The following GALNT16 variants were observed in gnomAD, a reference collection of about 807,000 sequenced individuals.
The protein encoded by GALNT16 is polypeptide N-acetylgalactosaminyltransferase 16.
A neutral mutation model predicts 76.1 loss-of-function variants in GALNT16; 40 were observed. The observed-to-expected ratio is 0.53, with a 90% CI of 0.41 to 0.68. The LOEUF (loss-of-function observed/expected upper bound fraction) is 0.68. Among genes scored for constraint, GALNT16 ranks in the 30% least tolerant of loss-of-function variants. GALNT16 has a pLI of 0.00. For missense variants in GALNT16, 621 were observed against 731.9 expected (o/e 0.85, Z 1.75); for synonymous variants, 276 against 285.2 (o/e 0.97, Z 0.32).
downstream of GALNT16, among the ~76,000 whole-genome samples, chr14:69,361,525 C>T (rs2045723641): frequency 1.3e-5 from 2 of 152,208 alleles, no homozygotes; most frequent in Non-Finnish European, 2.9e-5. Context: ...CATGTTTGTA[C>T]TGTTATCCCC....
At chr14:69,294,572 A>G (rs2044729157) in intron 1 of GALNT16, among the ~76,000 whole-genome samples, 1 of 152,096 alleles carries the variant, frequency 6.6e-6, no homozygotes, top group South Asian at 2.1e-4. Context: ...TGTTATCCCA[A>G]AAGGATCCCG....
the GALNT16 span, among the ~76,000 whole-genome samples, chr14:69,364,163 A>G: frequency 1.3e-5 from 2 of 152,180 alleles, no homozygotes; most frequent in South Asian, 4.1e-4. The surrounding 1 kb of genome is among the most constrained non-coding windows in gnomAD (Gnocchi z 4.2). Flanking sequence ...GAGTACAATA[A>G]AACTACTGTT....
At chr14:69,289,801 C>T (rs867592706) in intron 1 of GALNT16, among the ~76,000 whole-genome samples, 6 of 152,098 alleles carry the variant, frequency 3.9e-5, no homozygotes, top group South Asian at 2.1e-4. Flanking sequence ...TGCTGTGGCG[C>T]GGTCTCACTG....
the GALNT16 span, among the ~76,000 whole-genome samples, chr14:69,366,391 G>A: frequency 4.6e-5 from 7 of 152,150 alleles, no homozygotes. Flanking sequence ...TCCCACAGCA[G>A]ATCCTCTGCG....
At chr14:69,305,493 G>C (rs1421006772) in intron 1 of GALNT16, among the ~76,000 whole-genome samples, 3 of 152,028 alleles carry the variant, frequency 2.0e-5, no homozygotes, top group Non-Finnish European at 4.4e-5. Context: ...GTTTTGATAT[G>C]CATTTCCTGA....
chr14:69,372,735 TA>T, the GALNT16 span, among the ~76,000 whole-genome samples: 475 of 152,256 alleles, frequency 3.1e-3, 4 homozygotes, highest in African/African-American at 0.011. Flanking sequence ...GGGCCTGGCT[TA>T]AGAGAAGCAA....
chr14:69,302,870 A>C (rs1237676553), intron 1 of GALNT16, among the ~76,000 whole-genome samples: 1 of 152,198 alleles, frequency 6.6e-6, no homozygotes, highest in Non-Finnish European at 1.5e-5. Context: ...GCAATATTTG[A>C]GACATACTTA....
chr14:69,351,881 AC>A, intron 14 of GALNT16, 149 bp from the exon 15 acceptor site: 2 of 695,790 alleles, frequency 2.9e-6, no homozygotes. Context: ...CACTGTAAGA[AC>A]AAGGTCATGC....
intron 1 of GALNT16, among the ~76,000 whole-genome samples, chr14:69,300,346 T>C (rs150122886): frequency 6.6e-6 from 1 of 152,166 alleles, no homozygotes; most frequent in Non-Finnish European, 1.5e-5. Flanking sequence ...ATGGAAACAC[T>C]GAGCAGCATC....
At chr14:69,300,045 C>T (rs72625672) in intron 1 of GALNT16, among the ~76,000 whole-genome samples, 10,636 of 152,248 alleles carry the variant, frequency 0.07, 652 homozygotes, top group East Asian at 0.31. Context: ...GCTTTTAGCA[C>T]GTGTGTGCAC....
intron 1 of GALNT16, among the ~76,000 whole-genome samples, chr14:69,274,116 G>A (rs1454347553): frequency 6.6e-6 from 1 of 152,196 alleles, no homozygotes; most frequent in African/African-American, 2.4e-5. Flanking sequence ...TGGAAAATGA[G>A]GATGCTAGTA....
chr14:69,379,230 G>A, the GALNT16 span, among the ~76,000 whole-genome samples: 2 of 152,130 alleles, frequency 1.3e-5, no homozygotes, highest in African/African-American at 2.4e-5. Context: ...GTGAGCCACC[G>A]CACCCGGCCT....
chr14:69,305,132 C>CTT lies in GALNT16; in HGVS notation c.178-15566_178-15565dup, dbSNP rs34469974. ...TCTCCACATCCTCACCAACACTTGT[C>CTT]TTTTTTTTTTTTTTATAATAACCAT... On this transcript the variant is annotated intron_variant, in intron 1 of 14. Transcript: ENST00000448469. 3.1e-4 allele frequency among the ~76,000 whole-genome samples: 42 copies of CTT among 134,096 alleles called. 1 individual carries two copies. Among genetic ancestry groups the CTT allele is most frequent in the South Asian group, 1.4e-3 (6 of 4,400 alleles). 88.0% of individuals were successfully genotyped at this position (134,096 alleles called of 152,430 possible). A position where few individuals can be genotyped will look rare whatever the true frequency, so the allele number is the denominator to read the frequency against.
At chr14:69,367,392 A>G in the GALNT16 span, among the ~76,000 whole-genome samples, 1 of 151,918 alleles carries the variant, frequency 6.6e-6, no homozygotes, top group Non-Finnish European at 1.5e-5. Flanking sequence ...CTTATAAAAG[A>G]CACCCTAGAG....
chr14:69,343,695 T>C (rs530456700), intron 12 of GALNT16, among the ~76,000 whole-genome samples: 1 of 152,348 alleles, frequency 6.6e-6, no homozygotes, highest in South Asian at 2.1e-4. Flanking sequence ...AGCCCACTAG[T>C]TCCAGCCCTA....
At chr14:69,351,900 G>T in intron 14 of GALNT16, 131 bp from the exon 15 acceptor site, 1 of 831,178 alleles carries the variant, frequency 1.2e-6, no homozygotes, top group Non-Finnish European at 1.9e-6. Flanking sequence ...TGCCTAAAAA[G>T]AAAGGAGGAG....
At chr14:69,342,377 G>C (rs1244793885) in intron 12 of GALNT16, among the ~76,000 whole-genome samples, 1 of 146,332 alleles carries the variant, frequency 6.8e-6, no homozygotes, top group Non-Finnish European at 1.5e-5. Context: ...GTGAGCCCTG[G>C]TTATGCCATT....
intron 12 of GALNT16, 29 bp downstream of exon 12, chr14:69,341,793 C>T (rs762838193): frequency 6.5e-7 from 1 of 1,540,654 alleles, no homozygotes; most frequent in Non-Finnish European, 9.0e-7. Context: ...TTGTGCATCC[C>T]CCAGGCGGGT....
At chr14:69,270,154 C>G (rs1403398844) in intron 1 of GALNT16, among the ~76,000 whole-genome samples, 1 of 152,164 alleles carries the variant, frequency 6.6e-6, no homozygotes, top group Non-Finnish European at 1.5e-5. Flanking sequence ...CAAGCAGACC[C>G]CCTGGAGGCT....
Sources: gnomAD v4.1 joint callset for allele counts (sites outside exome capture counted in the v4.1 genomes callset) on GRCh38, gnomAD v4.1.1 for gene constraint, Gnocchi (gnomAD v3.1) non-coding constraint, MANE v1.5 for transcripts, NCBI Gene and HGNC (gene_info 2026-07-23, HGNC 2026-07-21) for gene names.